The following GALNT17 variants were observed in gnomAD, a reference collection of about 807,000 sequenced individuals.
GALNT17 encodes the protein UDP-GalNAc:polypeptide N-acetylgalactosaminyltransferase-like 3.
Under a neutral mutation model 63.7 loss-of-function variants are expected in GALNT17, and 29 were observed. That is an observed-to-expected ratio of 0.46 (90% CI 0.34 to 0.62). The LOEUF (loss-of-function observed/expected upper bound fraction) is 0.62. Among genes scored for constraint, GALNT17 ranks in the 20% least tolerant of loss-of-function variants. GALNT17 has a pLI of 0.01. For missense variants in GALNT17, 603 were observed against 799.6 expected (o/e 0.75, Z 2.97); for synonymous variants, 305 against 318.3 (o/e 0.96, Z 0.45).
chr7:71,708,833 T>C (rs1416359232), intron 9 of GALNT17, among the ~76,000 whole-genome samples: 1 of 152,178 alleles, frequency 6.6e-6, no homozygotes, highest in African/African-American at 2.4e-5. Context: ...GATTCTGCAT[T>C]AATTCTCTTA....
chr7:71,564,857 G>T (rs1445761963), intron 5 of GALNT17, among the ~76,000 whole-genome samples: 1 of 152,202 alleles, frequency 6.6e-6, no homozygotes, highest in Non-Finnish European at 1.5e-5. Flanking sequence ...TGTCATGTGT[G>T]CTGAGCAGAG....
At chr7:71,303,635 A>T (rs1322118901) in intron 1 of GALNT17, among the ~76,000 whole-genome samples, 1 of 152,158 alleles carries the variant, frequency 6.6e-6, no homozygotes, top group African/African-American at 2.4e-5. Context: ...ACTAATACTC[A>T]GCACGTCGAC....
At chr7:71,418,721 C>T (rs2116444943) in intron 4 of GALNT17, among the ~76,000 whole-genome samples, 1 of 152,248 alleles carries the variant, frequency 6.6e-6, no homozygotes, top group East Asian at 1.9e-4. Context: ...TGGTAATAGG[C>T]AGGACATCCC....
At chr7:71,427,973 C>A (rs541424465) in intron 5 of GALNT17, among the ~76,000 whole-genome samples, 1 of 152,310 alleles carries the variant, frequency 6.6e-6, no homozygotes, top group African/African-American at 2.4e-5. Context: ...ACCCACCACC[C>A]TTGTCCATGG....
intron 1 of GALNT17, among the ~76,000 whole-genome samples, chr7:71,220,880 A>AC (rs1305479855): frequency 6.6e-6 from 1 of 151,592 alleles, no homozygotes; most frequent in Non-Finnish European, 1.5e-5. Context: ...TGTTCAATAC[A>AC]CCCCCCTCTG....
At chr7:71,270,386 G>A (rs576715334) in intron 1 of GALNT17, among the ~76,000 whole-genome samples, 4 of 151,892 alleles carry the variant, frequency 2.6e-5, no homozygotes, top group Admixed American at 6.6e-5. Context: ...TTAGCTGGGC[G>A]TGGTGGTGGG....
intron 1 of GALNT17, among the ~76,000 whole-genome samples, chr7:71,286,060 T>C (rs1477487277): frequency 6.6e-6 from 1 of 152,186 alleles, no homozygotes; most frequent in Non-Finnish European, 1.5e-5. Flanking sequence ...CAGCCCCTAC[T>C]TGGGGAGAAC....
At chr7:71,431,975 G>A (rs1786875145) in intron 5 of GALNT17, among the ~76,000 whole-genome samples, 1 of 152,142 alleles carries the variant, frequency 6.6e-6, no homozygotes, top group South Asian at 2.1e-4. Context: ...AGGAATTCAA[G>A]ACCAGCCTGC....
intron 1 of GALNT17, among the ~76,000 whole-genome samples, chr7:71,254,235 G>T (rs1396744108): frequency 6.6e-6 from 1 of 152,206 alleles, no homozygotes; most frequent in Non-Finnish European, 1.5e-5. Context: ...GGTTATGATA[G>T]ATTCTTGTGG....
intron 5 of GALNT17, among the ~76,000 whole-genome samples, chr7:71,433,706 A>T (rs1786909460): frequency 6.6e-6 from 1 of 152,192 alleles, no homozygotes; most frequent in South Asian, 2.1e-4. Context: ...TCGGGGTCAA[A>T]TTTTAAACCA....
At chr7:71,557,713 C>T (rs1789187705) in intron 5 of GALNT17, among the ~76,000 whole-genome samples, 4 of 152,018 alleles carry the variant, frequency 2.6e-5, no homozygotes, top group Admixed American at 2.6e-4. Flanking sequence ...ATCGCTTGAA[C>T]CCGGGAAATG....
At chr7:71,625,521 T>G (rs1732234457) in intron 6 of GALNT17, among the ~76,000 whole-genome samples, 1 of 152,166 alleles carries the variant, frequency 6.6e-6, no homozygotes, top group African/African-American at 2.4e-5. Flanking sequence ...CCTCCTCTCT[T>G]TTTAAATTGC....
intron 1 of GALNT17, among the ~76,000 whole-genome samples, chr7:71,317,094 G>A (rs1320265917): frequency 3.3e-5 from 5 of 152,138 alleles, no homozygotes; most frequent in African/African-American, 1.2e-4. Flanking sequence ...GGGCAAGTCT[G>A]TTAACCATGA....
At chr7:71,397,884 C>T (rs1475739341) in intron 3 of GALNT17, among the ~76,000 whole-genome samples, 6 of 152,098 alleles carry the variant, frequency 3.9e-5, no homozygotes, top group Admixed American at 1.3e-4. Context: ...ATGATGGTGT[C>T]GTTGAGTTAG....
intron 5 of GALNT17, among the ~76,000 whole-genome samples, chr7:71,468,559 GATGCCCACCACC>G (rs1787575687): frequency 6.6e-6 from 1 of 152,044 alleles, no homozygotes; most frequent in Admixed American, 6.6e-5. Flanking sequence ...TGGGATTATG[GATGCCCACCACC>G]ATGCCTGGCT....
Position 71,654,892 on chromosome 7 carries a change from G to T in GALNT17, c.1081-10519G>T, listed in dbSNP as rs867019068. On this transcript the variant is annotated intron_variant, in intron 6 of 10. Coordinates refer to ENST00000333538, the MANE Select transcript of GALNT17 (RefSeq NM_022479.3). The stretch of plus-strand genomic sequence containing the variant: ...CAACCTCCACCTCCTGGGTTCGAGC[G>T]ATTCGTCTGCCTCAGCCTCCCGAGT... Among the ~76,000 whole-genome samples, 2 of 152,078 alleles carry T rather than the reference G, an allele frequency of 1.3e-5. 1 individual carries two copies. The highest frequency in any genetic ancestry group is 4.1e-4 in the South Asian group (2 of 4,826).
intron 1 of GALNT17, among the ~76,000 whole-genome samples, chr7:71,266,568 G>T (rs558432917): frequency 1.3e-5 from 2 of 152,090 alleles, no homozygotes; most frequent in East Asian, 3.9e-4. Context: ...CTTTTTCTTC[G>T]TAAATTACCC....
intron 5 of GALNT17, among the ~76,000 whole-genome samples, chr7:71,552,008 C>G (rs1562687669): frequency 1.1e-5 from 1 of 92,542 alleles, no homozygotes; most frequent in Non-Finnish European, 2.2e-5. Context: ...TCAGGTTGCT[C>G]TTTTTATTTA....
chr7:71,255,185 T>C (rs921437993), intron 1 of GALNT17, among the ~76,000 whole-genome samples: 1 of 152,270 alleles, frequency 6.6e-6, no homozygotes, highest in Non-Finnish European at 1.5e-5. Context: ...TCTTGAATTC[T>C]AGCTCCCACA....
Sources: gnomAD v4.1 joint callset for allele counts (sites outside exome capture counted in the v4.1 genomes callset) on GRCh38, gnomAD v4.1.1 for gene constraint, MANE v1.5 for transcripts, NCBI Gene and HGNC (gene_info 2026-07-23, HGNC 2026-07-21) for gene names.